Variants in CSMD1 observed in about 807,000 individuals in gnomAD.
The protein encoded by CSMD1 is CUB and sushi domain-containing protein 1.
A neutral mutation model predicts 417.5 loss-of-function variants in CSMD1; 213 were observed. That is an observed-to-expected ratio of 0.51 (90% CI 0.46 to 0.57). The LOEUF is 0.57. Ranked by LOEUF, CSMD1 falls within the 20% of genes least tolerant of loss-of-function variation. The pLI, the probability that CSMD1 is intolerant of heterozygous loss-of-function variation, is 0.00. For missense variants in CSMD1, 6,923 were observed against 4,529.7 expected, an observed-to-expected ratio of 1.53 and a Z score of -15.17; for synonymous variants, 2,862 against 1,736.8, an observed-to-expected ratio of 1.65 and a Z score of -16.11.
chr8:3,989,463 G>C (rs909038394), intron 5 of CSMD1, among the ~76,000 whole-genome samples: 13 of 152,160 alleles, frequency 8.5e-5, no homozygotes, highest in Admixed American at 2.0e-4. Context: ...ACGAGTTGTG[G>C]TAACACAGAC....
chr8:4,212,131 AG>A (rs1800347725), intron 3 of CSMD1, among the ~76,000 whole-genome samples: 1 of 151,346 alleles, frequency 6.6e-6, no homozygotes, highest in African/African-American at 2.4e-5. Flanking sequence ...TAGGAGAAGA[AG>A]TGTCCTTTAT....
At chr8:3,600,632 G>A (rs886082831) in intron 8 of CSMD1, among the ~76,000 whole-genome samples, 2 of 152,234 alleles carry the variant, frequency 1.3e-5, no homozygotes, top group East Asian at 1.9e-4. Flanking sequence ...AGTGGAAAAC[G>A]ACTGGTGACC....
intron 11 of CSMD1, among the ~76,000 whole-genome samples, chr8:3,492,321 T>G (rs1818429595): frequency 6.6e-6 from 1 of 152,130 alleles, no homozygotes; most frequent in Non-Finnish European, 1.5e-5. Flanking sequence ...AAGCCGCCCA[T>G]GGCTCCCCAT....
chr8:3,797,991 T>A (rs540121773), intron 5 of CSMD1, among the ~76,000 whole-genome samples: 5 of 152,014 alleles, frequency 3.3e-5, no homozygotes, highest in Admixed American at 6.6e-5. Context: ...CAACGTGCAT[T>A]TCCTTGAAGA....
At chr8:3,645,403 G>A (rs553135439) in intron 7 of CSMD1, among the ~76,000 whole-genome samples, 1 of 152,314 alleles carries the variant, frequency 6.6e-6, no homozygotes, top group Non-Finnish European at 1.5e-5. Flanking sequence ...TCGGCTTCGG[G>A]TGTCTGGGTA....
At chr8:3,306,652 C>CAAT (rs771198119) in intron 25 of CSMD1, among the ~76,000 whole-genome samples, 5 of 149,194 alleles carry the variant, frequency 3.4e-5, no homozygotes, top group African/African-American at 1.3e-4. Context: ...AAATTAATAA[C>CAAT]AACAATGAAA....
At chr8:4,226,908 T>C (rs540651045) in intron 3 of CSMD1, among the ~76,000 whole-genome samples, 48 of 152,358 alleles carry the variant, frequency 3.2e-4, no homozygotes, top group African/African-American at 1.1e-3. Context: ...GGATTTTTTG[T>C]TGTTGTTGTC....
intron 49 of CSMD1, among the ~76,000 whole-genome samples, chr8:3,062,274 T>A (rs1812637536): frequency 6.6e-6 from 1 of 152,110 alleles, no homozygotes; most frequent in African/African-American, 2.4e-5. Flanking sequence ...AATACCATGC[T>A]GAAGGCTGAG....
intron 1 of CSMD1, among the ~76,000 whole-genome samples, chr8:4,968,520 C>T (rs979022051): frequency 1.3e-5 from 2 of 152,072 alleles, no homozygotes; most frequent in African/African-American, 4.8e-5. Flanking sequence ...CTAATTTCCA[C>T]CTGCACTACT....
chr8:3,594,001 T>C (rs1800976183), intron 8 of CSMD1, among the ~76,000 whole-genome samples: 1 of 152,214 alleles, frequency 6.6e-6, no homozygotes, highest in Non-Finnish European at 1.5e-5. Flanking sequence ...CGACAGTGTT[T>C]TTCTAACTTT....
Position 3,550,104 on chromosome 8 carries a change from G to A in CSMD1, c.1344+24841C>T, listed in dbSNP as rs146067695. ...AAAAAAGAAAGCAAAGCACAGAGCC[G>A]ATAAAAAAGTGTCCCATTGGGATCA... On this transcript the variant is annotated intron_variant, in intron 10 of 69. Transcript: ENST00000635120. Among the ~76,000 whole-genome samples, 574 of 152,180 alleles carry A rather than the reference G, an allele frequency of 3.8e-3. 4 individuals are homozygous for A. Among genetic ancestry groups the A allele is most frequent in the African/African-American group, 0.013 (540 of 41,532 alleles).
intron 5 of CSMD1, among the ~76,000 whole-genome samples, chr8:3,936,213 A>G (rs944270105): frequency 6.6e-6 from 1 of 151,628 alleles, no homozygotes; most frequent in Non-Finnish European, 1.5e-5. Flanking sequence ...TCTGCGTAAC[A>G]TAAAAGGGCA....
chr8:4,209,175 T>G (rs1189607221), intron 3 of CSMD1, among the ~76,000 whole-genome samples: 1 of 152,194 alleles, frequency 6.6e-6, no homozygotes, highest in Non-Finnish European at 1.5e-5. Context: ...CAAGGTTCTT[T>G]CCAGATGTAG....
intron 3 of CSMD1, among the ~76,000 whole-genome samples, chr8:4,291,052 T>A (rs76340783): frequency 6.6e-6 from 1 of 152,164 alleles, no homozygotes; most frequent in Non-Finnish European, 1.5e-5. Flanking sequence ...TGTAAAATAT[T>A]ATGGGAATAA....
intron 68 of CSMD1, among the ~76,000 whole-genome samples, chr8:2,945,485 A>G (rs1029326944): frequency 1.3e-5 from 2 of 152,222 alleles, no homozygotes; most frequent in African/African-American, 4.8e-5. Context: ...TCTTTTGCCT[A>G]TATCTACACA....
chr8:4,240,708 A>G (rs1802348006), intron 3 of CSMD1, among the ~76,000 whole-genome samples: 1 of 152,208 alleles, frequency 6.6e-6, no homozygotes, highest in African/African-American at 2.4e-5. Context: ...ACAATTTAAA[A>G]AATGCAGTTG....
chr8:3,072,597 A>T (rs1813395309), intron 49 of CSMD1, among the ~76,000 whole-genome samples: 1 of 152,190 alleles, frequency 6.6e-6, no homozygotes, highest in Non-Finnish European at 1.5e-5. Flanking sequence ...GCCCAAATTA[A>T]AGAGCTGTTG....
At chr8:3,879,369 A>G (rs1189899180) in intron 5 of CSMD1, among the ~76,000 whole-genome samples, 1 of 152,158 alleles carries the variant, frequency 6.6e-6, no homozygotes, top group African/African-American at 2.4e-5. Context: ...AGGAATCTCT[A>G]TAGACATAAA....
At chr8:4,254,965 A>G (rs1389240106) in intron 3 of CSMD1, among the ~76,000 whole-genome samples, 2 of 152,144 alleles carry the variant, frequency 1.3e-5, no homozygotes, top group Non-Finnish European at 2.9e-5. Context: ...CTCCATAACC[A>G]TCGACTTTAA....
Sources: gnomAD v4.1 joint callset for allele counts (sites outside exome capture counted in the v4.1 genomes callset) on GRCh38, gnomAD v4.1.1 for gene constraint, MANE v1.5 for transcripts, NCBI Gene and HGNC (gene_info 2026-07-23, HGNC 2026-07-21) for gene names.